MAP4K4: variants seen among roughly 807,000 people sequenced by gnomAD.
MAP4K4 encodes the protein mitogen-activated protein kinase kinase kinase kinase 4.
A neutral mutation model predicts 189.6 loss-of-function variants in MAP4K4; 38 were observed. The observed-to-expected ratio is 0.20, with a 90% CI of 0.15 to 0.26. The LOEUF (loss-of-function observed/expected upper bound fraction) is 0.26, where lower values mean the gene tolerates loss of function less well. Ranked by LOEUF, MAP4K4 falls within the 10% of genes least tolerant of loss-of-function variation. MAP4K4 has a pLI of 1.00. For synonymous variants in MAP4K4, 610 were observed against 624.3 expected, an observed-to-expected ratio of 0.98 and a Z score of 0.34; for missense variants, 1,054 against 1,726.9, an observed-to-expected ratio of 0.61 and a Z score of 6.91.
intron 13 of MAP4K4, among the ~76,000 whole-genome samples, chr2:101,858,220 A>G (rs1406151608): frequency 2.0e-5 from 3 of 152,218 alleles, no homozygotes; most frequent in African/African-American, 7.2e-5. Context: ...GCCTCCTGGT[A>G]TCCCTGTCCT....
At chr2:101,873,811 C>CT (rs1263037806) in intron 25 of MAP4K4, 47 bp downstream of exon 25, 1 of 1,343,944 alleles carries the variant, frequency 7.4e-7, no homozygotes, top group Non-Finnish European at 1.1e-6. Context: ...GGGACTTTAT[C>CT]TTTGAGTTGC....
intron 2 of MAP4K4, among the ~76,000 whole-genome samples, chr2:101,709,860 T>G (rs1460641289): frequency 1.3e-5 from 2 of 152,202 alleles, no homozygotes; most frequent in African/African-American, 4.8e-5. Context: ...TTTTCTTATA[T>G]TTTATTCTTA....
intron 27 of MAP4K4, among the ~76,000 whole-genome samples, chr2:101,880,474 G>A (rs2098352404): frequency 6.6e-6 from 1 of 151,406 alleles, no homozygotes; most frequent in African/African-American, 2.4e-5. Context: ...AATTGCTTGT[G>A]CTCCTTTGTA....
intron 13 of MAP4K4, among the ~76,000 whole-genome samples, chr2:101,857,946 G>A (rs2097528087): frequency 6.6e-6 from 1 of 152,200 alleles, no homozygotes; most frequent in Non-Finnish European, 1.5e-5. Context: ...AGGATAAAAT[G>A]TCTCCTCGTA....
At chr2:101,828,265 T>C (rs562737399) in intron 5 of MAP4K4, among the ~76,000 whole-genome samples, 2 of 152,338 alleles carry the variant, frequency 1.3e-5, no homozygotes, top group African/African-American at 4.8e-5. Flanking sequence ...TTGTGCAAGT[T>C]AGAGAGCAAA....
In MAP4K4 at chr2:101,812,519, G is replaced by C. The variant is rs142000143; in HGVS notation, c.181-11409G>C. On this transcript the variant is annotated intron_variant, in intron 3 of 32. Transcript: ENST00000324219. ...TAAAGATTAAGGAACACAATGGCAA[G>C]TTAATGAACTGTTTTAAGACCAAAA... Among the ~76,000 whole-genome samples, 721 of 152,212 alleles carry C rather than the reference G, an allele frequency of 4.7e-3. 9 individuals are homozygous for C. The highest frequency in any genetic ancestry group is 0.016 in the African/African-American group (649 of 41,514).
At chr2:101,831,231 A>G (rs1222728447) in intron 6 of MAP4K4, among the ~76,000 whole-genome samples, 2 of 151,864 alleles carry the variant, frequency 1.3e-5, no homozygotes, top group Non-Finnish European at 2.9e-5. Context: ...GTTTGTGAAT[A>G]TGTGATTTAG....
intron 2 of MAP4K4, among the ~76,000 whole-genome samples, chr2:101,732,488 A>G (rs1044228357): frequency 6.6e-6 from 1 of 152,104 alleles, no homozygotes; most frequent in Admixed American, 6.5e-5. Flanking sequence ...GCCCCATGCA[A>G]CTGCATTTCC....
exon 33 of MAP4K4, chr2:101,893,470 T>C (rs1377385857): frequency 2.9e-6 from 1 of 340,240 alleles, no homozygotes; most frequent in African/African-American, 2.2e-5. Flanking sequence ...AAATTCCTGC[T>C]TGTAATTTAT....
intron 2 of MAP4K4, among the ~76,000 whole-genome samples, chr2:101,705,363 G>T (rs1049276900): frequency 4.6e-5 from 7 of 152,160 alleles, no homozygotes; most frequent in Non-Finnish European, 1.0e-4. Flanking sequence ...CATACATTCT[G>T]TGTTGTCTGC....
intron 3 of MAP4K4, among the ~76,000 whole-genome samples, chr2:101,797,012 G>A (rs1358882626): frequency 6.6e-6 from 1 of 152,184 alleles, no homozygotes; most frequent in Admixed American, 6.5e-5. Context: ...CTCTGACCAC[G>A]CATGGGCAGG....
At chr2:101,729,623 T>C (rs1354376827) in intron 2 of MAP4K4, among the ~76,000 whole-genome samples, 1 of 152,212 alleles carries the variant, frequency 6.6e-6, no homozygotes, top group African/African-American at 2.4e-5. Context: ...TCCAGCTACA[T>C]TGCCGACTGT....
At chr2:101,786,789 C>T (rs1414901215) in intron 2 of MAP4K4, among the ~76,000 whole-genome samples, 1 of 152,130 alleles carries the variant, frequency 6.6e-6, no homozygotes, top group Non-Finnish European at 1.5e-5. Context: ...AGGCTAGTGA[C>T]CTGCTTTGTT....
chr2:101,701,677 A>G lies in MAP4K4; in HGVS notation c.123+3139A>G, dbSNP rs539778398. On this transcript the variant is annotated intron_variant, in intron 2 of 32. Coordinates refer to ENST00000324219, the Ensembl canonical transcript of MAP4K4. ...GGGTGTATTCTGTTTAGAGAAATTT[A>G]TTTTCACCCTTAGGTTTTTGAGAGA... Among the ~76,000 whole-genome samples the G allele has an allele frequency of 5.9e-5, 9 of 152,178 alleles. No individual in the cohort carries two copies. In the East Asian group the frequency reaches 1.7e-3, roughly 29 times the overall value.
intron 3 of MAP4K4, among the ~76,000 whole-genome samples, chr2:101,799,149 A>T (rs962764448): frequency 1.3e-5 from 2 of 152,350 alleles, no homozygotes; most frequent in Middle Eastern, 3.4e-3. Flanking sequence ...ATTATTTAGT[A>T]GTCATATCCT....
chr2:101,817,286 T>C (rs1445141472), intron 3 of MAP4K4, among the ~76,000 whole-genome samples: 2 of 152,124 alleles, frequency 1.3e-5, no homozygotes, highest in Non-Finnish European at 2.9e-5. Flanking sequence ...CTGGAGGAAA[T>C]AGTGATCTTA....
At chr2:101,704,658 T>G (rs1354740349) in intron 2 of MAP4K4, among the ~76,000 whole-genome samples, 1 of 140,420 alleles carries the variant, frequency 7.1e-6, no homozygotes, top group Non-Finnish European at 1.5e-5. Flanking sequence ...CTGCAAGCTC[T>G]GCCTCCCAGG....
At chr2:101,812,987 G>A (rs545747736) in intron 3 of MAP4K4, among the ~76,000 whole-genome samples, 2 of 152,258 alleles carry the variant, frequency 1.3e-5, no homozygotes, top group South Asian at 4.1e-4. Context: ...AAATTAGCTG[G>A]GCACGGTGGC....
chr2:101,882,828 T>A, intron 28 of MAP4K4, 143 bp downstream of exon 28: 1 of 864,946 alleles, frequency 1.2e-6, no homozygotes, highest in Non-Finnish European at 1.8e-6. Context: ...GTGTTCTTTC[T>A]GTTTCCAAGG....
Sources: allele counts gnomAD v4.1 joint callset (sites outside exome capture counted in the v4.1 genomes callset), GRCh38; gene constraint gnomAD v4.1.1; transcripts MANE v1.5; gene names NCBI Gene and HGNC (gene_info 2026-07-23, HGNC 2026-07-21).